IL12RB2: variants seen among roughly 807,000 people sequenced by gnomAD.
IL12RB2 encodes the protein interleukin 12 receptor subunit beta 2.
IL12RB2 carries 82 observed loss-of-function variants against 89.4 expected under a neutral mutation model. The observed-to-expected ratio is 0.92, with a 90% CI of 0.77 to 1.10. IL12RB2 has a LOEUF of 1.10. Ranked by LOEUF, IL12RB2 falls within the 50% of genes least tolerant of loss-of-function variation. IL12RB2 has a pLI of 0.00. For missense variants in IL12RB2, 963 were observed against 1,031.9 expected (o/e 0.93, Z 0.92); for synonymous variants, 368 against 370.1 (o/e 0.99, Z 0.07).
chr1:67,376,749 C>T (rs1363695676), intron 13 of IL12RB2, among the ~76,000 whole-genome samples: 1 of 152,054 alleles, frequency 6.6e-6, no homozygotes, highest in Non-Finnish European at 1.5e-5. Flanking sequence ...ATTGGCCCAG[C>T]AACCCACACA....
upstream of IL12RB2, chr1:67,307,380 A>AGGACATC (rs1486143873): frequency 6.6e-6 from 1 of 152,334 alleles, no homozygotes; most frequent in Non-Finnish European, 1.5e-5. Context: ...GCACAGAGAA[A>AGGACATC]GGACATCTGC....
intron 2 of IL12RB2, among the ~76,000 whole-genome samples, chr1:67,314,802 G>A (rs1398811711): frequency 1.3e-5 from 2 of 152,084 alleles, no homozygotes; most frequent in African/African-American, 2.4e-5. Context: ...TCTTCCTACC[G>A]GTCGGTGTAT....
At chr1:67,323,734 C>T (rs1656902886) in intron 4 of IL12RB2, among the ~76,000 whole-genome samples, 1 of 152,132 alleles carries the variant, frequency 6.6e-6, no homozygotes, top group Non-Finnish European at 1.5e-5. Context: ...GGCTATGCTC[C>T]ACCAACCCAA....
intron 7 of IL12RB2, among the ~76,000 whole-genome samples, chr1:67,330,057 T>A (rs1045694330): frequency 6.6e-6 from 1 of 152,160 alleles, no homozygotes; most frequent in Non-Finnish European, 1.5e-5. Flanking sequence ...AAGAGAAATA[T>A]TAAGAAATGT....
Position 67,381,698 on chromosome 1 carries a change from G to A in IL12RB2, c.1855+1575G>A, listed in dbSNP as rs560510953. Among the ~76,000 whole-genome samples the A allele has an allele frequency of 7.9e-5, 12 of 151,558 alleles. No individual in the cohort carries two copies. The East Asian group carries it at 9.7e-4, about 12-fold the overall frequency. On this transcript the variant is annotated intron_variant, in intron 14 of 16. Coordinates refer to ENST00000674203, the MANE Select transcript of IL12RB2 (RefSeq NM_001374259.2). ...GGAGAATGGCATAAACCCAGGAGGC[G>A]GAGCTTGCAGTGAGCCGAGATGGCA...
intron 15 of IL12RB2, among the ~76,000 whole-genome samples, chr1:67,386,872 T>TTATATATATTTATA (rs1553128717): frequency 2.1e-5 from 1 of 48,466 alleles, no homozygotes; most frequent in African/African-American, 6.4e-5. Flanking sequence ...GAAATGTATT[T>TTATATATATTTATA]TATATATATA....
chr1:67,345,208 T>C lies in IL12RB2; in HGVS notation c.1039-5662T>C, dbSNP rs139262352. ...GAAAGAAAACTCTTAGTTCCAAAAG[T>C]GGGGAAAAGATTTAGTGTTTTTTAT... is the stretch of plus-strand genomic sequence containing the variant. On this transcript the variant is annotated intron_variant, in intron 9 of 16. Coordinates refer to ENST00000674203, the MANE Select transcript of IL12RB2 (RefSeq NM_001374259.2). Among the ~76,000 whole-genome samples the C allele has an allele frequency of 5.4e-3, 828 of 152,116 alleles. 9 individuals are homozygous for C. The highest frequency in any genetic ancestry group is 0.018 in the African/African-American group (763 of 41,504).
chr1:67,363,302 C>T lies in IL12RB2; in HGVS notation c.1259-4523C>T, dbSNP rs1304060379. ...CGTGATCTTGGCTCACCACAACCTCCGCCTCCCAGGTTCAAGCGATTCTCC... is the reference window on the plus strand; with the variant it reads ...CGTGATCTTGGCTCACCACAACCTCTGCCTCCCAGGTTCAAGCGATTCTCC... On this transcript the variant is annotated intron_variant, in intron 10 of 16. Coordinates refer to ENST00000674203, the MANE Select transcript of IL12RB2 (RefSeq NM_001374259.2). Among the ~76,000 whole-genome samples the T allele has an allele frequency of 6.7e-5, 10 of 149,604 alleles. No individual in the cohort carries two copies. In the South Asian group the frequency reaches 8.5e-4, roughly 13 times the overall value.
At position 67,398,374 on chromosome 1, in the gene IL12RB2, T is replaced by C. The variant is rs1570261196; in HGVS notation, c.*2285T>C. ...TCCTTTTGATTATCTCTCATCCATCTCAGCCACTATTCTCCTCCCCTCCCT... is the reference window on the plus strand; with the variant it reads ...TCCTTTTGATTATCTCTCATCCATCCCAGCCACTATTCTCCTCCCCTCCCT... On this transcript the variant is annotated 3_prime_UTR_variant, in exon 17 of 17. Coordinates refer to ENST00000674203, the MANE Select transcript of IL12RB2 (RefSeq NM_001374259.2). 6.6e-6 allele frequency among the ~76,000 whole-genome samples: 1 copy of C among 152,166 alleles called. No individual in the cohort carries two copies. Among genetic ancestry groups the C allele is most frequent in the South Asian group, 2.1e-4 (1 of 4,820 alleles).
intron 16 of IL12RB2, among the ~76,000 whole-genome samples, chr1:67,393,399 G>A (rs1368384136): frequency 6.6e-6 from 1 of 152,208 alleles, no homozygotes; most frequent in South Asian, 2.1e-4. Flanking sequence ...TGTAAAAGCC[G>A]TGAGAGTTGC....
chr1:67,330,536 A>G, intron 7 of IL12RB2, 124 bp from the exon 8 acceptor site: 4 of 658,368 alleles, frequency 6.1e-6, no homozygotes, highest in Non-Finnish European at 1.1e-5. Flanking sequence ...TTCTCATTTA[A>G]TGGTAGGTCT....
In IL12RB2 at chr1:67,372,485, AG is replaced by A; in HGVS notation, c.1513del (p.Asp505IlefsTer18). 5 of 1,604,906 alleles carry A rather than the reference AG, an allele frequency of 3.1e-6. No individual in the cohort carries two copies. The highest frequency in any genetic ancestry group is 4.3e-6 in the Non-Finnish European group (5 of 1,171,508). ...ATGAAATCCGTGTGTATGCACTCTC[AG>A]GGGATCAAGGAGGATGCAGCTCCAT... ...CYEIRVYALS[G>X]DQGGCSSILG... On this transcript the variant is annotated frameshift_variant, in exon 12 of 17. Transcript: ENST00000674203. LOFTEE classifies it high-confidence loss of function.
intron 9 of IL12RB2, among the ~76,000 whole-genome samples, chr1:67,344,940 T>A (rs1660051447): frequency 6.6e-6 from 1 of 152,072 alleles, no homozygotes; most frequent in African/African-American, 2.4e-5. Context: ...CTAAGCACTT[T>A]GGGAGGCCGA....
chr1:67,374,216 T>C (rs540918334), intron 13 of IL12RB2, among the ~76,000 whole-genome samples: 1 of 152,338 alleles, frequency 6.6e-6, no homozygotes, highest in East Asian at 1.9e-4. Flanking sequence ...ATCTCTGTAG[T>C]ATGGCATCAT....
chr1:67,316,040 A>G (rs1358787574), intron 2 of IL12RB2, among the ~76,000 whole-genome samples: 1 of 152,256 alleles, frequency 6.6e-6, no homozygotes, highest in East Asian at 1.9e-4. Context: ...TAGTTGCATT[A>G]AACTAAACTA....
At chr1:67,356,967 A>C (rs2100890349) in intron 10 of IL12RB2, among the ~76,000 whole-genome samples, 1 of 152,342 alleles carries the variant, frequency 6.6e-6, no homozygotes. Context: ...TGAATCAGAA[A>C]CAGGTAGTTA....
At chr1:67,351,977 T>C (rs1311125942) in intron 10 of IL12RB2, among the ~76,000 whole-genome samples, 3 of 152,192 alleles carry the variant, frequency 2.0e-5, no homozygotes, top group Non-Finnish European at 4.4e-5. Context: ...TTCTTAAAAT[T>C]CAGTATAATA....
intron 10 of IL12RB2, among the ~76,000 whole-genome samples, chr1:67,356,338 C>T (rs10889684): frequency 0.16 from 23,644 of 152,146 alleles, 2,297 homozygotes; most frequent in East Asian, 0.39. Flanking sequence ...CTGTTGTGAT[C>T]GCTGCCCAGG....
intron 10 of IL12RB2, among the ~76,000 whole-genome samples, chr1:67,363,395 TAG>T (rs1326638618): frequency 6.6e-6 from 1 of 151,556 alleles, no homozygotes; most frequent in African/African-American, 2.4e-5. Context: ...TTTGTATTTT[TAG>T]TAGAGACGGG....
Sources: gnomAD v4.1 joint callset for allele counts (sites outside exome capture counted in the v4.1 genomes callset) on GRCh38, gnomAD v4.1.1 for gene constraint, MANE v1.5 for transcripts, NCBI Gene and HGNC (gene_info 2026-07-23, HGNC 2026-07-21) for gene names.